The following DNAH11 variants were observed in gnomAD, a reference collection of about 807,000 sequenced individuals.
DNAH11 encodes axonemal beta dynein heavy chain 11.
A neutral mutation model predicts 526.0 loss-of-function variants in DNAH11; 442 were observed. That is an observed-to-expected ratio of 0.84 (90% confidence interval 0.78 to 0.91). DNAH11 has a LOEUF of 0.91. Among genes scored for constraint, DNAH11 ranks in the 40% least tolerant of loss-of-function variants. The pLI is 0.00. For synonymous variants in DNAH11, 2,461 were observed against 1,935.9 expected (o/e 1.27, Z -7.12); for missense variants, 6,989 against 5,448.7 (o/e 1.28, Z -8.90).
intron 61 of DNAH11, among the ~76,000 whole-genome samples, chr7:21,796,051 G>T (rs192593795): frequency 6.6e-6 from 1 of 152,280 alleles, no homozygotes; most frequent in African/African-American, 2.4e-5. Context: ...GAAAAGTGAG[G>T]CAGGGACATG....
intron 39 of DNAH11, among the ~76,000 whole-genome samples, chr7:21,706,694 C>T (rs1190009707): frequency 6.6e-6 from 1 of 152,138 alleles, no homozygotes; most frequent in East Asian, 1.9e-4. Context: ...CTGTTCTACT[C>T]AACAGGTACG....
intron 26 of DNAH11, among the ~76,000 whole-genome samples, chr7:21,636,776 G>T (rs73682657): frequency 1.3e-5 from 2 of 151,962 alleles, no homozygotes; most frequent in African/African-American, 4.8e-5. Context: ...CTGCTAGGTC[G>T]TGCAAAAACA....
At chr7:21,732,247 T>C (rs1378562646) in intron 45 of DNAH11, among the ~76,000 whole-genome samples, 1 of 152,184 alleles carries the variant, frequency 6.6e-6, no homozygotes, top group Non-Finnish European at 1.5e-5. Context: ...CGTAGCCACT[T>C]TCTCTCTGCA....
At chr7:21,821,478 CAG>C (rs1790047174) in intron 65 of DNAH11, among the ~76,000 whole-genome samples, 1 of 152,126 alleles carries the variant, frequency 6.6e-6, no homozygotes, top group South Asian at 2.1e-4. Flanking sequence ...AATGGGGACC[CAG>C]AGACATTAAT....
At chr7:21,609,595 A>G (rs1300632552) in intron 20 of DNAH11, among the ~76,000 whole-genome samples, 1 of 152,218 alleles carries the variant, frequency 6.6e-6, no homozygotes, top group Non-Finnish European at 1.5e-5. Context: ...AAATAAATCA[A>G]AGGGATATTG....
intron 65 of DNAH11, among the ~76,000 whole-genome samples, chr7:21,831,602 C>A (rs368241386): frequency 1.3e-5 from 2 of 152,116 alleles, no homozygotes; most frequent in Non-Finnish European, 2.9e-5. Context: ...CATCCTCCCC[C>A]CCTCTATTAA....
At chr7:21,783,765 T>G (rs920175911) in intron 57 of DNAH11, among the ~76,000 whole-genome samples, 2 of 151,590 alleles carry the variant, frequency 1.3e-5, no homozygotes, top group Non-Finnish European at 2.9e-5. Context: ...GAGGTGCCAC[T>G]GGATCCACAA....
chr7:21,598,900 C>A (rs937529117), intron 14 of DNAH11, among the ~76,000 whole-genome samples: 9 of 152,112 alleles, frequency 5.9e-5, no homozygotes, highest in Non-Finnish European at 1.5e-5. Context: ...CATCCATGTT[C>A]CTGCAAAGGA....
At chr7:21,792,994 A>C (rs1020164157) in intron 61 of DNAH11, among the ~76,000 whole-genome samples, 1 of 151,980 alleles carries the variant, frequency 6.6e-6, no homozygotes, top group Non-Finnish European at 1.5e-5. Flanking sequence ...TTATTTTTCT[A>C]TGTAGGCATT....
intron 9 of DNAH11, among the ~76,000 whole-genome samples, chr7:21,582,901 G>A (rs1468666510): frequency 6.6e-6 from 1 of 152,072 alleles, no homozygotes; most frequent in Non-Finnish European, 1.5e-5. Flanking sequence ...GAATTGGCTG[G>A]TCAGTGGAGA....
rs1432612074 is a variant in DNAH11 at position 21,698,148 on chromosome 7, G to A, written c.6115G>A (p.Ala2039Thr). ...ILLVAEGFVD[A>T]RALARKFITL... ...GTTAGTTGCTGAAGGTTTTGTGGAT[G>A]CGCGTGCATTAGCCCGAAAGTTCAT... The change falls in exon 36 of 82, where the codon GCG becomes ACG. Residue 2039 changes from alanine to threonine, a missense_variant. Coordinates refer to ENST00000409508, the MANE Select transcript of DNAH11 (RefSeq NM_001277115.2). 6.8e-6 allele frequency: 11 copies of A among 1,613,544 alleles called. No homozygotes were observed. Among genetic ancestry groups the A allele is most frequent in the African/African-American group, 2.7e-5 (2 of 74,906 alleles).
intron 65 of DNAH11, among the ~76,000 whole-genome samples, chr7:21,836,226 T>G (rs1400443878): frequency 6.6e-6 from 1 of 152,130 alleles, no homozygotes; most frequent in Non-Finnish European, 1.5e-5. Context: ...CCAACGACAT[T>G]CTTCACAGAA....
chr7:21,724,272 G>A (rs904391292), intron 44 of DNAH11, among the ~76,000 whole-genome samples: 2 of 152,274 alleles, frequency 1.3e-5, no homozygotes. Flanking sequence ...CCACCAATCT[G>A]AAAATAATTT....
At chr7:21,689,698 A>G (rs924566861) in intron 34 of DNAH11, among the ~76,000 whole-genome samples, 35 of 152,052 alleles carry the variant, frequency 2.3e-4, no homozygotes, top group Middle Eastern at 3.4e-3. Context: ...ACTATACAAA[A>G]TCCACCTGCT....
intron 30 of DNAH11, among the ~76,000 whole-genome samples, chr7:21,659,968 CACTT>C (rs948586669): frequency 3.3e-5 from 5 of 152,018 alleles, no homozygotes; most frequent in Admixed American, 2.0e-4. Flanking sequence ...GTGTTTGTAC[CACTT>C]ACTTTTGGGG....
intron 20 of DNAH11, among the ~76,000 whole-genome samples, chr7:21,607,476 AATC>A (rs1291716351): frequency 1.3e-5 from 2 of 152,156 alleles, no homozygotes; most frequent in East Asian, 3.9e-4. Flanking sequence ...TAACTATCAC[AATC>A]ATCATAGTAA....
chr7:21,551,278 G>T (rs1293825080), intron 2 of DNAH11, among the ~76,000 whole-genome samples: 2 of 152,134 alleles, frequency 1.3e-5, no homozygotes, highest in Non-Finnish European at 2.9e-5. Context: ...TCCTCGTCCA[G>T]GGAGGCTTGC....
intron 20 of DNAH11, among the ~76,000 whole-genome samples, chr7:21,607,388 C>T (rs541984712): frequency 6.8e-4 from 104 of 152,180 alleles, no homozygotes; most frequent in African/African-American, 2.5e-3. Flanking sequence ...TTGTTAATCT[C>T]CTTTGGCATC....
chr7:21,596,939 C>T (rs541464781), intron 14 of DNAH11, among the ~76,000 whole-genome samples: 11 of 152,258 alleles, frequency 7.2e-5, no homozygotes, highest in African/African-American at 2.6e-4. Context: ...TGACTTAGCA[C>T]GTGATGTTGA....
Sources: gnomAD v4.1 joint callset for allele counts (sites outside exome capture counted in the v4.1 genomes callset) on GRCh38, gnomAD v4.1.1 for gene constraint, MANE v1.5 for transcripts, NCBI Gene and HGNC (gene_info 2026-07-23, HGNC 2026-07-21) for gene names.